TMCC2: variants seen among roughly 807,000 people sequenced by gnomAD.
TMCC2 encodes the protein transmembrane and coiled-coil domains protein 2.
TMCC2 carries 16 observed loss-of-function variants against 49.4 expected under a neutral mutation model. That is an observed-to-expected ratio of 0.32 (90% CI 0.22 to 0.49). The LOEUF (loss-of-function observed/expected upper bound fraction) is 0.49. Among genes scored for constraint, TMCC2 ranks in the 20% least tolerant of loss-of-function variants. The pLI is 0.99. For synonymous variants in TMCC2, 397 were observed against 434.1 expected (o/e 0.91, Z 1.06); for missense variants, 762 against 989.8 (o/e 0.77, Z 3.09).
intron 4 of TMCC2, among the ~76,000 whole-genome samples, 189 bp from the exon 5 acceptor site, chr1:205,271,624 C>T (rs1278589050): frequency 6.6e-6 from 1 of 152,208 alleles, no homozygotes; most frequent in Non-Finnish European, 1.5e-5. Context: ...CTCTCATTTC[C>T]TAGCATCCTC....
intron 2 of TMCC2, among the ~76,000 whole-genome samples, chr1:205,250,270 G>A (rs1329740504): frequency 6.6e-6 from 1 of 152,170 alleles, no homozygotes; most frequent in Non-Finnish European, 1.5e-5. Flanking sequence ...GCCGGGCACG[G>A]TGGCTCGTGC....
intron 1 of TMCC2, among the ~76,000 whole-genome samples, chr1:205,235,002 C>G (rs2102527284): frequency 6.6e-6 from 1 of 152,280 alleles, no homozygotes; most frequent in African/African-American, 2.4e-5. Context: ...TATTACCAAA[C>G]AAGAGAAGAG....
chr1:205,259,662 G>A (rs939507068), intron 2 of TMCC2, among the ~76,000 whole-genome samples: 3 of 152,200 alleles, frequency 2.0e-5, no homozygotes, highest in Admixed American at 6.5e-5. Context: ...GTCCAGGGCC[G>A]GGTTGACACG....
chr1:205,228,716 C>T lies in TMCC2; in HGVS notation c.152C>T (p.Ala51Val). Reference protein sequence around the residue: ...ANSAGGPTSDAGAAAAPNPGP... With the variant: ...ANSAGGPTSDVGAAAAPNPGP... ...TCTGCTGGCGGGCCAACTTCAGACG[C>T]CGGCGCTGCCGCGGCGCCCAACCCA... Residue 51 changes from alanine (A) to valine (V), a missense_variant, in exon 1 of 5, where the codon GCC (alanine) becomes GTC (valine). Physicochemically the swap from Ala to Val is moderately conservative, Grantham distance 64 (BLOSUM62 0). This residue lies in a region of TMCC2 where 322 missense variants were observed against 353.1 expected (regional missense o/e 0.91). Transcript: ENST00000358024. 1 of 1,611,132 alleles carries T rather than the reference C, an allele frequency of 6.2e-7. No homozygotes were observed. The highest frequency in any genetic ancestry group is 8.5e-7 in the Non-Finnish European group (1 of 1,179,380).
At chr1:205,267,259 G>T (rs1237948581) in intron 2 of TMCC2, among the ~76,000 whole-genome samples, 1 of 152,208 alleles carries the variant, frequency 6.6e-6, no homozygotes, top group Non-Finnish European at 1.5e-5. Context: ...TGGCTCCTGA[G>T]TTTGGCAGGG....
chr1:205,230,023 G>C (rs1023342131), intron 1 of TMCC2: 2 of 985,490 alleles, frequency 2.0e-6, no homozygotes, highest in Non-Finnish European at 2.4e-6. Context: ...GAAGGTGCAG[G>C]GTCTGGGCTA....
intron 3 of TMCC2, among the ~76,000 whole-genome samples, chr1:205,270,213 A>AT (rs1157012309): frequency 6.6e-6 from 1 of 151,984 alleles, no homozygotes; most frequent in East Asian, 1.9e-4. Flanking sequence ...CACCCCGCTA[A>AT]TTTTTTGTAT....
intron 2 of TMCC2, among the ~76,000 whole-genome samples, chr1:205,251,930 G>T (rs1222931712): frequency 2.0e-5 from 3 of 152,204 alleles, no homozygotes; most frequent in African/African-American, 4.8e-5. Context: ...TCTGCTTTTA[G>T]AAAGGAATTA....
chr1:205,252,965 A>AT (rs1660725284), intron 2 of TMCC2, among the ~76,000 whole-genome samples: 1 of 151,214 alleles, frequency 6.6e-6, no homozygotes, highest in Non-Finnish European at 1.5e-5. Context: ...TCTTAAAAAA[A>AT]AAAAATAATA....
intron 3 of TMCC2, among the ~76,000 whole-genome samples, 187 bp from the exon 4 acceptor site, chr1:205,270,933 C>T (rs1020853503): frequency 2.0e-5 from 3 of 152,220 alleles, no homozygotes; most frequent in Admixed American, 1.3e-4. Context: ...AGCACAGTGC[C>T]TACACCTAAG....
rs1208123495 is a variant in TMCC2, at chr1:205,264,546, G to A, written c.748-4404G>A. 4.0e-5 allele frequency among the ~76,000 whole-genome samples: 6 copies of A among 151,788 alleles called. No individual in the cohort carries two copies. The highest frequency in any genetic ancestry group is 2.6e-4 in the Admixed American group (4 of 15,226). ...GTTGCCCAGGCTGCAGTGCAGTGGC[G>A]TGATCTCGGTTCACTGCAAGCTCCG... On this transcript the variant is annotated intron_variant, in intron 2 of 4. Coordinates refer to ENST00000358024, the MANE Select transcript of TMCC2 (RefSeq NM_014858.4). This position sits in a 1 kb window ranked among gnomAD's most constrained non-coding sequence, Gnocchi z 4.2.
At chr1:205,245,148 C>T (rs1660409079) in intron 2 of TMCC2, among the ~76,000 whole-genome samples, 1 of 152,028 alleles carries the variant, frequency 6.6e-6, no homozygotes, top group African/African-American at 2.4e-5. Flanking sequence ...TGGCAGGGAC[C>T]TCGAAGGCCA....
At position 205,272,581 on chromosome 1, in the gene TMCC2, C is replaced by G. The variant is rs1467889088; in HGVS notation, c.*457C>G. 4.6e-5 allele frequency: 8 copies of G among 174,804 alleles called. No individual in the cohort carries two copies. The highest frequency in any genetic ancestry group is 7.3e-5 in the Non-Finnish European group (6 of 81,638). 10.8% of individuals were successfully genotyped at this position (174,804 alleles called of 1,614,324 possible). ...AGGCTGGAGAGTGAGGGAGGAGGCT[C>G]TGCTGGCCGCAGAGAACACAGGGAT... is the stretch of plus-strand genomic sequence containing the variant. On this transcript the variant is annotated 3_prime_UTR_variant, in exon 5 of 5. Transcript: ENST00000358024.
Position 205,269,014 on chromosome 1 carries a change from T to G in TMCC2, c.812T>G (p.Ile271Ser). The G allele has an allele frequency of 6.2e-7, 1 of 1,613,268 alleles. No individual in the cohort carries two copies. Among genetic ancestry groups the G allele is most frequent in the Non-Finnish European group, 8.5e-7 (1 of 1,179,990 alleles). ...PAGHGDTDGPISLDVPDGAPD... is the reference protein window; with the variant it reads ...PAGHGDTDGPSSLDVPDGAPD... ...GGCCATGGTGACACCGACGGCCCCATCAGCCTGGACGTGCCCGATGGGGCA... is the reference window on the plus strand; with the variant it reads ...GGCCATGGTGACACCGACGGCCCCAGCAGCCTGGACGTGCCCGATGGGGCA... Residue 271 changes from isoleucine to serine, a missense_variant, in exon 3 of 5, where the codon ATC becomes AGC. Physicochemically the swap from Ile to Ser is moderately radical, Grantham distance 142. This residue lies in a region of TMCC2 where 440 missense variants were observed against 636.7 expected (regional missense o/e 0.69). Transcript: ENST00000358024.
In TMCC2 at chr1:205,228,692, C is replaced by A; in HGVS notation, c.128C>A (p.Ser43Tyr). ...CCTGGGGAGACCACGGGTGCTAACTCTGCTGGCGGGCCAACTTCAGACGCC... is the reference window on the plus strand; with the variant it reads ...CCTGGGGAGACCACGGGTGCTAACTATGCTGGCGGGCCAACTTCAGACGCC... ...LRPGETTGAN[S>Y]AGGPTSDAGA... is the part of the protein sequence containing the mutation. The change falls in exon 1 of 5, where the codon TCT becomes TAT. Residue 43 changes from serine to tyrosine, a missense_variant. Ser to Tyr is a moderately radical substitution (Grantham distance 144, BLOSUM62 -2). Transcript: ENST00000358024. 1 of 1,612,616 alleles carries A rather than the reference C, an allele frequency of 6.2e-7. No individual in the cohort carries two copies. Among genetic ancestry groups the A allele is most frequent in the Non-Finnish European group, 8.5e-7 (1 of 1,179,790 alleles).
chr1:205,266,103 T>G (rs1484871722), intron 2 of TMCC2, among the ~76,000 whole-genome samples: 2 of 150,698 alleles, frequency 1.3e-5, no homozygotes, highest in Non-Finnish European at 3.0e-5. Flanking sequence ...TAGCCGGGCA[T>G]GGTGGCAGGC....
Position 205,241,422 on chromosome 1 carries a change from C to CAGACCCT in TMCC2, c.208-82_208-76dup. 1 of 1,428,708 alleles carries CAGACCCT rather than the reference C, an allele frequency of 7.0e-7. No individual in the cohort carries two copies. The highest frequency in any genetic ancestry group is 9.6e-7 in the Non-Finnish European group (1 of 1,040,108). The allele number at this position is 1,428,708 out of a possible 1,614,324, so 88.5% of individuals were successfully genotyped here. On this transcript the variant is annotated intron_variant, in intron 1 of 4. Transcript: ENST00000358024. This position sits in a 1 kb window ranked among gnomAD's most constrained non-coding sequence, Gnocchi z 7.3. ...ATTAGCTATGCCAGTCTACCAAGGACAGACCCTTCACCTTCACCCTCCTAC... is the reference window on the plus strand; with the variant it reads ...ATTAGCTATGCCAGTCTACCAAGGACAGACCCTAGACCCTTCACCTTCACCCTCCTAC...
At chr1:205,230,396 T>C (rs1481997314) in intron 1 of TMCC2, among the ~76,000 whole-genome samples, 2 of 152,164 alleles carry the variant, frequency 1.3e-5, no homozygotes, top group African/African-American at 4.8e-5. Flanking sequence ...GCTTGAGCTT[T>C]TGCCAGGCCC....
At chr1:205,259,216 G>T (rs1034720107) in intron 2 of TMCC2, among the ~76,000 whole-genome samples, 4 of 151,398 alleles carry the variant, frequency 2.6e-5, no homozygotes, top group African/African-American at 9.7e-5. Flanking sequence ...CCATCTAAGA[G>T]TGACCTTATA....
Sources: allele counts gnomAD v4.1 joint callset (sites outside exome capture counted in the v4.1 genomes callset), GRCh38; gene constraint gnomAD v4.1.1; regional missense constraint gnomAD v4.1.1; non-coding constraint Gnocchi (gnomAD v3.1); transcripts MANE v1.5; gene names NCBI Gene and HGNC (gene_info 2026-07-23, HGNC 2026-07-21).